SHANK2: variants seen among roughly 807,000 people sequenced by gnomAD.
SHANK2 encodes SH3 and multiple ankyrin repeat domains protein 2.
In SHANK2, 43 loss-of-function variants were observed where a neutral mutation model predicts 133.7. The observed-to-expected ratio is 0.32, with a 90% confidence interval of 0.25 to 0.41. The LOEUF is 0.41. Among genes scored for constraint, SHANK2 ranks in the 10% least tolerant of loss-of-function variants. SHANK2 has a pLI of 1.00. For missense variants in SHANK2, 1,994 were observed against 2,235.8 expected, an observed-to-expected ratio of 0.89 and a Z score of 2.18; for synonymous variants, 1,017 against 952.8, an observed-to-expected ratio of 1.07 and a Z score of -1.24.
At chr11:70,849,870 T>C (rs1011726416) in intron 11 of SHANK2, among the ~76,000 whole-genome samples, 1 of 152,196 alleles carries the variant, frequency 6.6e-6, no homozygotes, top group Non-Finnish European at 1.5e-5. Flanking sequence ...ACCATGTTCA[T>C]CATTTTTAAG....
intron 17 of SHANK2, among the ~76,000 whole-genome samples, chr11:70,622,306 A>G (rs1554998156): frequency 6.6e-6 from 1 of 151,788 alleles, no homozygotes; most frequent in Non-Finnish European, 1.5e-5. Flanking sequence ...CCAGGACTCA[A>G]CTCATGTCAA....
chr11:71,226,702 C>A (rs1348397101), intron 1 of SHANK2: 2 of 152,006 alleles, frequency 1.3e-5, no homozygotes, highest in Admixed American at 1.3e-4. Flanking sequence ...AAGATAGTCT[C>A]AGATGAAAGG....
chr11:70,788,594 G>A (rs1306193162), intron 14 of SHANK2, among the ~76,000 whole-genome samples: 1 of 152,140 alleles, frequency 6.6e-6, no homozygotes, highest in Admixed American at 6.5e-5. Flanking sequence ...GTTCAGCGCT[G>A]TCCCCCATTT....
At position 70,492,400 on chromosome 11, in the gene SHANK2, G is replaced by T. The variant is rs782443651; in HGVS notation, c.2374C>A (p.Pro792Thr). Residue 792 changes from proline (P) to threonine (T), a missense_variant, in exon 22 of 26, where the codon CCG becomes ACG. This residue lies in a region of SHANK2 where 488 missense variants were observed against 642.6 expected (regional missense o/e 0.76). Transcript: ENST00000601538. ...CGCTGCTTGATGGTCGCCACCCTCG[G>T]TTCCACAGCCATGTTCTCAGCAGCG... ...SRAAENMAVE[P>T]RVATIKQRPS... 4 of 1,613,604 alleles carry T rather than the reference G, an allele frequency of 2.5e-6. No homozygotes were observed. The highest frequency in any genetic ancestry group is 2.2e-5 in the East Asian group (1 of 44,898).
chr11:70,818,373 G>T (rs781805632), intron 12 of SHANK2, among the ~76,000 whole-genome samples: 1 of 152,170 alleles, frequency 6.6e-6, no homozygotes, highest in Admixed American at 6.5e-5. Context: ...CACATGAACA[G>T]GGAAACAGGG....
intron 9 of SHANK2, among the ~76,000 whole-genome samples, chr11:71,067,078 C>T (rs1951072847): frequency 6.6e-6 from 1 of 152,190 alleles, no homozygotes; most frequent in Non-Finnish European, 1.5e-5. Flanking sequence ...AGCCAGCCAC[C>T]CACCAGAGCT....
At chr11:70,579,604 C>T (rs2060158473) in intron 17 of SHANK2, among the ~76,000 whole-genome samples, 1 of 152,234 alleles carries the variant, frequency 6.6e-6, no homozygotes, top group African/African-American at 2.4e-5. Flanking sequence ...GTGGTGTCTC[C>T]CGGGCCTGGG....
intron 15 of SHANK2, among the ~76,000 whole-genome samples, chr11:70,684,048 T>G (rs1310394621): frequency 6.6e-6 from 1 of 152,116 alleles, no homozygotes. Context: ...CCTCCCAAAG[T>G]GCTGAGATGA....
In SHANK2 at chr11:71,173,049, G is replaced by C. The variant is rs369208258; in HGVS notation, c.-12-25711C>G. On this transcript the variant is annotated intron_variant, in intron 2 of 25. Coordinates refer to ENST00000601538, the MANE Select transcript of SHANK2 (RefSeq NM_012309.5). ...CTCAACCCTGTCACTGTGCCCTGTCGTCTCTTAGCAGGGAAAGGCAGAACG... is the reference window on the plus strand; with the variant it reads ...CTCAACCCTGTCACTGTGCCCTGTCCTCTCTTAGCAGGGAAAGGCAGAACG... Among the ~76,000 whole-genome samples the C allele has an allele frequency of 2.0e-3, 300 of 152,368 alleles. 11 individuals carry two copies. In the South Asian group the frequency reaches 0.06, roughly 30 times the overall value.
At chr11:70,795,059 C>G (rs1460042067) in intron 14 of SHANK2, among the ~76,000 whole-genome samples, 1 of 152,158 alleles carries the variant, frequency 6.6e-6, no homozygotes, top group Admixed American at 6.5e-5. Flanking sequence ...GCAGGAACCA[C>G]TGTGGAATCC....
rs1949672030 is a variant in SHANK2, at chr11:70,882,362, C to G, written c.1174+14139G>C. 6.6e-6 allele frequency among the ~76,000 whole-genome samples: 1 copy of G among 152,182 alleles called. No individual in the cohort carries two copies. Among genetic ancestry groups the G allele is most frequent in the South Asian group, 2.1e-4 (1 of 4,828 alleles). ...AAAGGCCCCTGGGCTGTGCCTGTAG[C>G]TAGGAGCTGGGAACCAGTTCTATAG... On this transcript the variant is annotated intron_variant, in intron 11 of 25. Coordinates refer to ENST00000601538, the MANE Select transcript of SHANK2 (RefSeq NM_012309.5). This position sits in a 1 kb window ranked among gnomAD's most constrained non-coding sequence, Gnocchi z 4.2.
chr11:70,477,769 G>A (rs751294142), intron 25 of SHANK2, among the ~76,000 whole-genome samples: 3 of 152,238 alleles, frequency 2.0e-5, no homozygotes, highest in Non-Finnish European at 2.9e-5. Context: ...GTAACCGCCT[G>A]TGAGTGTGAG....
chr11:70,869,120 G>T (rs1219911504), intron 11 of SHANK2, among the ~76,000 whole-genome samples: 1 of 152,182 alleles, frequency 6.6e-6, no homozygotes, highest in Non-Finnish European at 1.5e-5. Context: ...GACCCCATGA[G>T]GATACAGGGA....
intron 17 of SHANK2, chr11:70,631,257 G>A (rs1453307158): frequency 7.9e-5 from 12 of 152,176 alleles, no homozygotes; most frequent in African/African-American, 2.9e-4. Flanking sequence ...TAAAACAGGG[G>A]AGGGTAGCCT....
intron 10 of SHANK2, among the ~76,000 whole-genome samples, chr11:70,905,842 G>A (rs1477781311): frequency 7.1e-5 from 10 of 141,416 alleles, no homozygotes; most frequent in South Asian, 6.6e-4. Context: ...ACGGAGTTTC[G>A]CTCTTGTCGC....
intron 5 of SHANK2, 75 bp from the exon 6 acceptor site, chr11:71,110,124 T>C: frequency 8.8e-7 from 1 of 1,134,340 alleles, no homozygotes; most frequent in South Asian, 1.3e-5. Flanking sequence ...TGAGACCCCG[T>C]CTCTACAAAA....
chr11:70,675,373 C>A (rs1026121910), intron 15 of SHANK2, among the ~76,000 whole-genome samples: 3 of 152,302 alleles, frequency 2.0e-5, no homozygotes, highest in Middle Eastern at 3.4e-3. Flanking sequence ...GAGGCAGGAG[C>A]TGTGATGACG....
chr11:71,252,809 C>T (rs1555126088), upstream of SHANK2, among the ~76,000 whole-genome samples: 1 of 151,942 alleles, frequency 6.6e-6, no homozygotes, highest in African/African-American at 2.4e-5. This position sits in a 1 kb window ranked among gnomAD's most constrained non-coding sequence, Gnocchi z 6.3. Context: ...CGCGGGGCGC[C>T]CTGGCCGCCT....
At chr11:70,660,008 A>T (rs1217796875) in intron 16 of SHANK2, 56 bp from the exon 17 acceptor site, 2 of 1,613,020 alleles carry the variant, frequency 1.2e-6, no homozygotes, top group African/African-American at 2.7e-5. Context: ...CCAAGTTCAC[A>T]TTGCCTGACC....
Sources: gnomAD v4.1 joint callset for allele counts (sites outside exome capture counted in the v4.1 genomes callset) on GRCh38, gnomAD v4.1.1 for gene constraint, gnomAD v4.1.1 regional missense constraint, Gnocchi (gnomAD v3.1) non-coding constraint, MANE v1.5 for transcripts, NCBI Gene and HGNC (gene_info 2026-07-23, HGNC 2026-07-21) for gene names.